The following NCAM1 variants were observed in gnomAD, a reference collection of about 807,000 sequenced individuals.
NCAM1 encodes antigen recognized by monoclonal antibody 5.1H11.
A neutral mutation model predicts 109.8 loss-of-function variants in NCAM1; 14 were observed. The observed-to-expected ratio is 0.13, with a 90% CI of 0.08 to 0.20. NCAM1 has a LOEUF of 0.20. Ranked by LOEUF, NCAM1 falls within the 10% of genes least tolerant of loss-of-function variation. The pLI, the probability that NCAM1 is intolerant of heterozygous loss-of-function variation, is 1.00. For synonymous variants in NCAM1, 418 were observed against 442.9 expected (o/e 0.94, Z 0.70); for missense variants, 774 against 1,109.9 (o/e 0.70, Z 4.30).
intron 5 of NCAM1, among the ~76,000 whole-genome samples, chr11:113,206,415 T>A (rs183215360): frequency 2.4e-4 from 37 of 151,856 alleles, no homozygotes; most frequent in African/African-American, 7.3e-4. Flanking sequence ...AGCAACTGAA[T>A]GTCCTTCACC....
At chr11:113,231,567 C>G in intron 9 of NCAM1, 78 bp from the exon 10 acceptor site, 1 of 1,419,870 alleles carries the variant, frequency 7.0e-7, no homozygotes, top group Non-Finnish European at 9.7e-7. Flanking sequence ...GTCTCCCAGC[C>G]CCCATCCTGC....
intron 14 of NCAM1, 66 bp downstream of exon 14, chr11:113,235,230 C>T: frequency 1.2e-6 from 2 of 1,612,184 alleles, no homozygotes; most frequent in Admixed American, 1.7e-5. Flanking sequence ...AGTGGGGAAC[C>T]CTGAGCTGGC....
At chr11:113,250,944 C>T (rs1166011233) in intron 15 of NCAM1, among the ~76,000 whole-genome samples, 1 of 150,278 alleles carries the variant, frequency 6.7e-6, no homozygotes, top group Non-Finnish European at 1.5e-5. Flanking sequence ...ATTACAGACG[C>T]ATGCCACCAT....
chr11:113,177,343 T>C (rs917464459), intron 1 of NCAM1, among the ~76,000 whole-genome samples: 1 of 152,174 alleles, frequency 6.6e-6, no homozygotes. Flanking sequence ...TGGGCTGAAA[T>C]TCCACCAGAA....
At chr11:113,225,058 C>A (rs1944801553) in intron 9 of NCAM1, among the ~76,000 whole-genome samples, 1 of 152,198 alleles carries the variant, frequency 6.6e-6, no homozygotes, top group Non-Finnish European at 1.5e-5. Flanking sequence ...AGCTCCTCAC[C>A]AGCAGCGGAA....
chr11:113,238,068 C>G (rs1274257478), intron 14 of NCAM1, among the ~76,000 whole-genome samples: 1 of 151,296 alleles, frequency 6.6e-6, no homozygotes, highest in Non-Finnish European at 1.5e-5. Context: ...AGATTTTTAA[C>G]TACAAAAAAG....
At chr11:113,235,876 G>A (rs1047232947) in intron 14 of NCAM1, among the ~76,000 whole-genome samples, 7 of 152,286 alleles carry the variant, frequency 4.6e-5, no homozygotes, top group Middle Eastern at 6.8e-3. Flanking sequence ...GCCAGGCTGT[G>A]GGCAAGCCCT....
At chr11:113,252,182 G>A (rs895180057) in intron 15 of NCAM1, among the ~76,000 whole-genome samples, 2 of 152,162 alleles carry the variant, frequency 1.3e-5, no homozygotes, top group Non-Finnish European at 2.9e-5. Flanking sequence ...GGGAGGCCAA[G>A]GTGAGAGGAT....
At chr11:113,166,303 G>A (rs2136406487) in intron 1 of NCAM1, among the ~76,000 whole-genome samples, 1 of 152,284 alleles carries the variant, frequency 6.6e-6, no homozygotes, top group African/African-American at 2.4e-5. Context: ...CTAGGGTCAA[G>A]ATCTGTGAAA....
Position 113,233,341 on chromosome 11 carries a change from C to G in NCAM1, c.1693+24C>G, listed in dbSNP as rs1235967600. 1.9e-6 allele frequency: 3 copies of G among 1,603,498 alleles called. No individual in the cohort carries two copies. In the Admixed American group the frequency reaches 5.1e-5, roughly 27 times the overall value. ...AGGTGAGTTGGGCGAGTTGGTGTTT[C>G]CATTGGGATCATGAGTGCCTCAGTA... On this transcript the variant is annotated intron_variant, in intron 13 of 19. Transcript: ENST00000316851. This position sits in a 1 kb window ranked among gnomAD's most constrained non-coding sequence, Gnocchi z 4.5.
intron 1 of NCAM1, among the ~76,000 whole-genome samples, chr11:113,167,522 C>T (rs1386971807): frequency 3.1e-5 from 4 of 127,686 alleles, no homozygotes; most frequent in African/African-American, 5.9e-5. Flanking sequence ...ATGGCAGAAA[C>T]GTGTTTTTTT....
At chr11:113,169,467 T>C (rs938905138) in intron 1 of NCAM1, among the ~76,000 whole-genome samples, 3 of 152,168 alleles carry the variant, frequency 2.0e-5, no homozygotes, top group Non-Finnish European at 4.4e-5. Context: ...GTACCTCACA[T>C]AGGGGAAGAG....
At chr11:113,168,436 G>C (rs1478396374) in intron 1 of NCAM1, among the ~76,000 whole-genome samples, 1 of 152,140 alleles carries the variant, frequency 6.6e-6, no homozygotes, top group Non-Finnish European at 1.5e-5. Flanking sequence ...TTGCACGGTC[G>C]TGACTAGCTC....
intron 7 of NCAM1, among the ~76,000 whole-genome samples, chr11:113,209,162 G>A (rs548342056): frequency 2.2e-4 from 33 of 152,332 alleles, no homozygotes; most frequent in African/African-American, 6.0e-4. Context: ...AGTCTGAGGC[G>A]CAGCTCTGGT....
At chr11:113,151,963 A>G (rs1555102530) in intron 1 of NCAM1, among the ~76,000 whole-genome samples, 2 of 152,222 alleles carry the variant, frequency 1.3e-5, no homozygotes, top group Non-Finnish European at 2.9e-5. Context: ...GGGGAAGGGG[A>G]TGGAGGAGGC....
At chr11:113,049,464 A>G (rs1416053168) in intron 1 of NCAM1, among the ~76,000 whole-genome samples, 1 of 152,206 alleles carries the variant, frequency 6.6e-6, no homozygotes, top group Non-Finnish European at 1.5e-5. Context: ...TTGCACATGT[A>G]ATGAGTTAAT....
chr11:113,101,125 TAAGG>T (rs2135862122), intron 1 of NCAM1, among the ~76,000 whole-genome samples: 1 of 152,298 alleles, frequency 6.6e-6, no homozygotes, highest in African/African-American at 2.4e-5. Context: ...TTGGGAGAGT[TAAGG>T]AAGTTTCCCT....
At chr11:113,193,118 T>C (rs562050628) in intron 1 of NCAM1, among the ~76,000 whole-genome samples, 1 of 152,210 alleles carries the variant, frequency 6.6e-6, no homozygotes, top group Non-Finnish European at 1.5e-5. Flanking sequence ...TGGAGATACT[T>C]CTGATTTTTT....
chr11:113,105,104 C>T (rs972375054), intron 1 of NCAM1, among the ~76,000 whole-genome samples: 2 of 152,200 alleles, frequency 1.3e-5, no homozygotes, highest in Non-Finnish European at 2.9e-5. Context: ...TCTCTTTGCA[C>T]TTCATGTTGG....
Sources: gnomAD v4.1 joint callset for allele counts (sites outside exome capture counted in the v4.1 genomes callset) on GRCh38, gnomAD v4.1.1 for gene constraint, Gnocchi (gnomAD v3.1) non-coding constraint, MANE v1.5 for transcripts, NCBI Gene and HGNC (gene_info 2026-07-23, HGNC 2026-07-21) for gene names.